DMD: variants seen among roughly 807,000 people sequenced by gnomAD.
The protein encoded by DMD is mutant dystrophin.
DMD carries 63 observed loss-of-function variants against 330.1 expected under a neutral mutation model. The observed-to-expected ratio is 0.19, with a 90% CI of 0.16 to 0.24. The LOEUF is 0.24. Among genes scored for constraint, DMD ranks in the 10% least tolerant of loss-of-function variants. The probability of loss-of-function intolerance (pLI) is 1.00; values close to 1 mark genes in which losing one functional copy is unlikely to be tolerated. For missense variants in DMD, 3,344 were observed against 2,684.1 expected (o/e 1.25, Z -5.43); for synonymous variants, 1,223 against 959.8 (o/e 1.27, Z -5.07).
intron 3 of DMD, 31 bp downstream of exon 3, chrX:32,849,697 A>G (rs1237683285): frequency 9.4e-7 from 1 of 1,062,885 alleles, no homozygotes; most frequent in African/African-American, 1.8e-5. Context: ...ACTAAGTTTA[A>G]AGTTAACTTT....
In DMD at chrX:33,190,964, TATAATATATA is replaced by T. The variant is rs2050578356; in HGVS notation, c.31+20308_31+20317del. Among the ~76,000 whole-genome samples the T allele has an allele frequency of 4.7e-3, 6 of 1,264 alleles. 2 individuals are homozygous for T. Among genetic ancestry groups the T allele is most frequent in the South Asian group, 0.034 (1 of 29 alleles). 1.1% of individuals were successfully genotyped at this position (1,264 alleles called of 115,157 possible). On this transcript the variant is annotated intron_variant, in intron 1 of 78. Coordinates refer to ENST00000357033, the MANE Select transcript of DMD (RefSeq NM_004006.3). ...TATAATATATAATATTATATATATA[TATAATATATA>T]ATATTATATATATATATATAATATA...
At chrX:32,020,062 T>C (rs1308088260) in intron 44 of DMD, among the ~76,000 whole-genome samples, 1 of 112,922 alleles carries the variant, frequency 8.9e-6, no homozygotes, top group African/African-American at 3.2e-5. Context: ...AATTCACTAG[T>C]AGATCACGAT....
rs780687388 is a variant in DMD at position 33,024,858 on chromosome X, G to A, written c.32-4658C>T. Among the ~76,000 whole-genome samples the A allele has an allele frequency of 5.4e-5, 6 of 111,651 alleles. No individual in the cohort carries two copies. The East Asian group carries it at 1.7e-3, about 31-fold the overall frequency. On this transcript the variant is annotated intron_variant, in intron 1 of 78. Transcript: ENST00000357033. ...GCCAAGCCTTAGCGTCTTTAACTGTGAAATGAGAATATTAATTGCTCTTTA... is the reference window on the plus strand; with the variant it reads ...GCCAAGCCTTAGCGTCTTTAACTGTAAAATGAGAATATTAATTGCTCTTTA...
chrX:31,832,921 A>G (rs2093085987), intron 49 of DMD, among the ~76,000 whole-genome samples: 1 of 111,911 alleles, frequency 8.9e-6, no homozygotes, highest in Non-Finnish European at 1.9e-5. Context: ...TGGCACCTAA[A>G]TGCTTAAGCT....
At chrX:31,189,705 T>C (rs182370960) in intron 67 of DMD, among the ~76,000 whole-genome samples, 1 of 112,270 alleles carries the variant, frequency 8.9e-6, no homozygotes, top group Admixed American at 9.4e-5. Context: ...ATCTGCTGAA[T>C]TGAACAGTGG....
chrX:33,201,070 T>A (rs2051240690), intron 1 of DMD, among the ~76,000 whole-genome samples: 1 of 107,735 alleles, frequency 9.3e-6, no homozygotes, highest in South Asian at 4.2e-4. Flanking sequence ...TAGCTGGGAT[T>A]ACAGGTGCAC....
At chrX:33,253,950 T>C (rs2052812981) in intron 1 of DMD, among the ~76,000 whole-genome samples, 1 of 111,079 alleles carries the variant, frequency 9.0e-6, no homozygotes, top group Admixed American at 9.6e-5. Flanking sequence ...CAAACTAAAC[T>C]CTTAATATGC....
At chrX:31,910,307 C>T (rs766321974) in intron 47 of DMD, among the ~76,000 whole-genome samples, 5 of 110,027 alleles carry the variant, frequency 4.5e-5, no homozygotes, top group Non-Finnish European at 5.8e-5. Flanking sequence ...GCCAGGCAAG[C>T]AAGGAATTCA....
chrX:31,573,723 C>T (rs1345444624), intron 55 of DMD, among the ~76,000 whole-genome samples: 2 of 111,176 alleles, frequency 1.8e-5, no homozygotes, highest in Non-Finnish European at 1.9e-5. Flanking sequence ...GGATCATATA[C>T]AAATGAAGCA....
intron 74 of DMD, among the ~76,000 whole-genome samples, chrX:31,152,163 C>T (rs2037496335): frequency 9.2e-6 from 1 of 109,045 alleles, no homozygotes; most frequent in Admixed American, 9.7e-5. Context: ...AGTGGTACCC[C>T]TTATTTATGC....
At chrX:31,571,410 C>CTTG (rs150708551) in intron 55 of DMD, among the ~76,000 whole-genome samples, 1 of 84,169 alleles carries the variant, frequency 1.2e-5, no homozygotes, top group Admixed American at 1.4e-4. Context: ...TGTTATTAAT[C>CTTG]TTCTAACATT....
chrX:31,472,921 G>A (rs774496483), intron 59 of DMD, among the ~76,000 whole-genome samples: 1 of 112,317 alleles, frequency 8.9e-6, no homozygotes, highest in South Asian at 3.7e-4. Flanking sequence ...ACATAGATGC[G>A]ACAGATTTGC....
chrX:33,097,634 CAG>C (rs1245623328), intron 1 of DMD, among the ~76,000 whole-genome samples: 1 of 62,712 alleles, frequency 1.6e-5, no homozygotes, highest in African/African-American at 6.6e-5. Context: ...TTTTTTGAGA[CAG>C]AGTCTCACTC....
chrX:31,474,719 AAAT>A lies in DMD; in HGVS notation c.8937+3384_8937+3386del, dbSNP rs1339187417. Among the ~76,000 whole-genome samples the A allele has an allele frequency of 2.9e-3, 290 of 100,131 alleles. 3 individuals carry two copies. Among genetic ancestry groups the A allele is most frequent in the African/African-American group, 8.5e-3 (227 of 26,636 alleles). 87.0% of individuals were successfully genotyped at this position (100,131 alleles called of 115,157 possible). On this transcript the variant is annotated intron_variant, in intron 59 of 78. Transcript: ENST00000357033. ...GCGAGACTGTCGCAAAAAAAAAATA[AAAT>A]AAAATAAAATAAAATAAAATAAAAT...
chrX:33,244,235 A>C (rs1469713409), intron 1 of DMD, among the ~76,000 whole-genome samples: 1 of 111,580 alleles, frequency 9.0e-6, no homozygotes, highest in Non-Finnish European at 1.9e-5. Flanking sequence ...TGCTTTATTG[A>C]AGAAAATGCC....
intron 2 of DMD, among the ~76,000 whole-genome samples, chrX:32,924,150 T>C (rs1309123247): frequency 1.8e-5 from 2 of 111,405 alleles, no homozygotes; most frequent in Non-Finnish European, 3.8e-5. Context: ...AACAAAAAAA[T>C]GGCTACGGCA....
chrX:32,986,047 C>G (rs1395054518), intron 2 of DMD, among the ~76,000 whole-genome samples: 3 of 111,777 alleles, frequency 2.7e-5, no homozygotes, highest in Admixed American at 1.9e-4. Flanking sequence ...TGCGACTTCT[C>G]TCCATGCCTC....
At chrX:32,322,161 A>G (rs2097619904) in intron 41 of DMD, among the ~76,000 whole-genome samples, 1 of 111,708 alleles carries the variant, frequency 9.0e-6, no homozygotes, top group Admixed American at 9.6e-5. Context: ...ATGAGAAAAA[A>G]GAAGAGATGG....
intron 44 of DMD, among the ~76,000 whole-genome samples, chrX:32,176,562 A>G (rs1297652433): frequency 2.7e-5 from 3 of 111,897 alleles, no homozygotes; most frequent in Non-Finnish European, 5.6e-5. Flanking sequence ...TTTTATTAAA[A>G]TGTATTCATA....
Sources: gnomAD v4.1 joint callset for allele counts (sites outside exome capture counted in the v4.1 genomes callset) on GRCh38, gnomAD v4.1.1 for gene constraint, MANE v1.5 for transcripts, NCBI Gene and HGNC (gene_info 2026-07-23, HGNC 2026-07-21) for gene names.